Variants in SYNE2 observed in about 807,000 individuals in gnomAD.
SYNE2 encodes the protein nesprin-2.
In SYNE2, 431 loss-of-function variants were observed where a neutral mutation model predicts 856.3. That is an observed-to-expected ratio of 0.50 (90% CI 0.47 to 0.55). The LOEUF (loss-of-function observed/expected upper bound fraction) is 0.55, where lower values mean the gene tolerates loss of function less well. SYNE2 is among the 20% of genes least tolerant of loss of function. SYNE2 has a pLI of 0.00. For synonymous variants in SYNE2, 2,923 were observed against 2,872.3 expected, an observed-to-expected ratio of 1.02 and a Z score of -0.56; for missense variants, 8,129 against 8,023.2, an observed-to-expected ratio of 1.01 and a Z score of -0.50.
chr14:64,126,744 G>A lies in SYNE2; in HGVS notation c.13854G>A (p.Gln4618=). The A allele has an allele frequency of 6.2e-7, 1 of 1,614,152 alleles. No individual in the cohort carries two copies. The highest frequency in any genetic ancestry group is 8.5e-7 in the Non-Finnish European group (1 of 1,180,040). The change falls in exon 73 of 116, where the codon CAG becomes CAA. Residue 4618 remains glutamine, a synonymous_variant. Transcript: ENST00000555002. ...DNLQVCLEHT[Q]AAAVCRSKSL... is the part of the protein sequence containing the mutation. ...TTCAAGTCTGCCTGGAGCACACTCAGGCTGCAGCTGTCTGTAGAAGCAAGT... is the reference window on the plus strand; with the variant it reads ...TTCAAGTCTGCCTGGAGCACACTCAAGCTGCAGCTGTCTGTAGAAGCAAGT...
At chr14:63,961,186 C>A (rs944640707) in intron 8 of SYNE2, among the ~76,000 whole-genome samples, 1 of 152,228 alleles carries the variant, frequency 6.6e-6, no homozygotes, top group Non-Finnish European at 1.5e-5. Context: ...CACTATGTGT[C>A]TAGAAAGAGG....
chr14:64,106,421 G>A (rs569622699), intron 64 of SYNE2, among the ~76,000 whole-genome samples: 4 of 152,260 alleles, frequency 2.6e-5, no homozygotes, highest in Non-Finnish European at 5.9e-5. Context: ...AGGCCGAGGC[G>A]AGTGGATCAC....
At chr14:63,982,857 CATTGTAAGTTCATAACCA>C (rs2096597084) in intron 17 of SYNE2, 63 bp downstream of exon 17, 6 of 1,524,906 alleles carry the variant, frequency 3.9e-6, no homozygotes, top group African/African-American at 1.4e-5. Context: ...ACAATTTACT[CATTGTAAGTTCATAACCA>C]ATTGATTTCT....
intron 2 of SYNE2, among the ~76,000 whole-genome samples, chr14:63,913,454 TTTTC>T (rs1338297915): frequency 1.4e-4 from 20 of 142,332 alleles, no homozygotes; most frequent in African/African-American, 4.8e-4. Context: ...TTCTTTTTCT[TTTTC>T]TTTCTTTCTT....
At chr14:64,177,610 T>C in intron 96 of SYNE2, 127 bp downstream of exon 96, 1 of 1,250,456 alleles carries the variant, frequency 8.0e-7, no homozygotes, top group Non-Finnish European at 1.2e-6. Context: ...ATTTTCCCGA[T>C]CTGTCTAACA....
Position 63,840,257 on chromosome 14 carries a change from C to A in SYNE2, c.-304-12244C>A, listed in dbSNP as rs189276917. Among the ~76,000 whole-genome samples, 366 of 152,044 alleles carry A rather than the reference C, an allele frequency of 2.4e-3. 1 individual carries two copies. Among genetic ancestry groups the A allele is most frequent in the African/African-American group, 8.2e-3 (342 of 41,494 alleles). ...TTGCACTCCAGCCTGGGGGACAGAG[C>A]AAGACCCTGTCTCAAAAAAAAAAGT... On this transcript the variant is annotated intron_variant, in intron 1 of 23. Coordinates refer to the SYNE2 transcript ENST00000674003.
chr14:63,820,341 T>C (rs985474418), intron 1 of SYNE2, among the ~76,000 whole-genome samples: 1 of 151,992 alleles, frequency 6.6e-6, no homozygotes, highest in African/African-American at 2.4e-5. Flanking sequence ...ACTAGAAAAA[T>C]TGAATATCCA....
intron 1 of SYNE2, among the ~76,000 whole-genome samples, chr14:63,892,264 A>G (rs2095150236): frequency 1.3e-5 from 2 of 152,016 alleles, no homozygotes; most frequent in South Asian, 2.1e-4. Flanking sequence ...TTCCCCGAGC[A>G]TTTCTTATCT....
At chr14:63,904,381 C>A (rs966579874) in intron 1 of SYNE2, among the ~76,000 whole-genome samples, 5 of 152,094 alleles carry the variant, frequency 3.3e-5, no homozygotes, top group Non-Finnish European at 7.4e-5. Flanking sequence ...GTTTTAAGTT[C>A]TTTGAGACAT....
chr14:63,964,752 G>C (rs7150961), intron 10 of SYNE2, among the ~76,000 whole-genome samples: 12 of 151,926 alleles, frequency 7.9e-5, no homozygotes, highest in African/African-American at 2.7e-4. Context: ...TCGAACTCCT[G>C]ACCTCAGGTG....
At chr14:64,155,225 C>T (rs758621101) in intron 85 of SYNE2, among the ~76,000 whole-genome samples, 1 of 152,108 alleles carries the variant, frequency 6.6e-6, no homozygotes, top group Non-Finnish European at 1.5e-5. Context: ...AACTGTCCAT[C>T]TACTAATGAA....
intron 1 of SYNE2, among the ~76,000 whole-genome samples, chr14:63,789,245 T>C (rs551123458): frequency 6.6e-6 from 1 of 152,324 alleles, no homozygotes; most frequent in African/African-American, 2.4e-5. Flanking sequence ...AGGTTTGCTC[T>C]CAGTGCCTGG....
At chr14:64,046,277 C>T (rs531289560) in intron 45 of SYNE2, among the ~76,000 whole-genome samples, 4 of 152,326 alleles carry the variant, frequency 2.6e-5, no homozygotes, top group South Asian at 2.1e-4. Flanking sequence ...CAAATTACCT[C>T]GTATATAACT....
At position 63,991,028 on chromosome 14, in the gene SYNE2, C is replaced by T; in HGVS notation, c.2559C>T (p.Ser853=). 6.2e-7 allele frequency: 1 copy of T among 1,613,938 alleles called. No individual in the cohort carries two copies. Among genetic ancestry groups the T allele is most frequent in the Non-Finnish European group, 8.5e-7 (1 of 1,179,966 alleles). The change falls in exon 21 of 116, where the codon TCC becomes TCT. Residue 853 remains serine (S), a synonymous_variant. Transcript: ENST00000555002. ...ACATCAGGCTGAAGATGGAAGAATC[C>T]CAGAAGGAACTTGAATCATATATGA... ...DLDIRLKMEE[S]QKELESYMMR...
At chr14:63,941,210 A>G (rs2095910473) in intron 3 of SYNE2, among the ~76,000 whole-genome samples, 1 of 152,196 alleles carries the variant, frequency 6.6e-6, no homozygotes, top group South Asian at 2.1e-4. Flanking sequence ...GATCATAATC[A>G]CTGTGCCATC....
In SYNE2 at chr14:64,224,528, T is replaced by C. The variant is rs1369623427; in HGVS notation, c.20450T>C (p.Val6817Ala). Residue 6817 changes from valine (V) to alanine (A), a missense_variant, in exon 114 of 116, where the codon GTG becomes GCG. Coordinates refer to ENST00000555002, the MANE Select transcript of SYNE2 (RefSeq NM_182914.3). ...GGGGACCAGCCTCCTGCAACATCCG[T>C]GCCAGCTCCCCGAGCAAAGGTAAGA... ...DSGDQPPATS[V>A]PAPRAKFRAV... The C allele has an allele frequency of 1.2e-6, 2 of 1,613,982 alleles. No individual in the cohort carries two copies. Among genetic ancestry groups the C allele is most frequent in the Non-Finnish European group, 1.7e-6 (2 of 1,180,034 alleles).
chr14:63,842,313 A>C (rs1018110715), intron 1 of SYNE2, among the ~76,000 whole-genome samples: 2 of 151,732 alleles, frequency 1.3e-5, no homozygotes, highest in Admixed American at 1.3e-4. Flanking sequence ...CTGGGATCAC[A>C]GGCTAATTTT....
At chr14:63,821,996 G>A (rs1002193121) in intron 1 of SYNE2, among the ~76,000 whole-genome samples, 1 of 152,160 alleles carries the variant, frequency 6.6e-6, no homozygotes, top group East Asian at 1.9e-4. Context: ...CTCAAGACCA[G>A]CCTGGCCAAC....
chr14:63,943,966 G>A lies in SYNE2; in HGVS notation c.408+1823G>A, dbSNP rs556675062. Among the ~76,000 whole-genome samples the A allele has an allele frequency of 1.2e-3, 180 of 152,056 alleles. 2 individuals carry two copies. Among genetic ancestry groups the A allele is most frequent in the African/African-American group, 4.1e-3 (169 of 41,522 alleles). ...TTACAGGTGTGAGCCAGCACGCCTGGCCTGTGTTTTATTTCTTTAAGAAAA... is the reference window on the plus strand; with the variant it reads ...TTACAGGTGTGAGCCAGCACGCCTGACCTGTGTTTTATTTCTTTAAGAAAA... On this transcript the variant is annotated intron_variant, in intron 6 of 115. Coordinates refer to ENST00000555002, the MANE Select transcript of SYNE2 (RefSeq NM_182914.3).
Sources: gnomAD v4.1 joint callset for allele counts (sites outside exome capture counted in the v4.1 genomes callset) on GRCh38, gnomAD v4.1.1 for gene constraint, MANE v1.5 for transcripts, NCBI Gene and HGNC (gene_info 2026-07-23, HGNC 2026-07-21) for gene names.